The following GOLM2 variants were observed in gnomAD, a reference collection of about 807,000 sequenced individuals.
The protein encoded by GOLM2 is golgi membrane protein 2, also known as protein GOLM2.
In GOLM2, 26 loss-of-function variants were observed where a neutral mutation model predicts 55.9. That is an observed-to-expected ratio of 0.47 (90% CI 0.34 to 0.65). The LOEUF is 0.65. Ranked by LOEUF, GOLM2 falls within the 30% of genes least tolerant of loss-of-function variation. The pLI is 0.01. For missense variants in GOLM2, 486 were observed against 531.8 expected, an observed-to-expected ratio of 0.91 and a Z score of 0.85; for synonymous variants, 165 against 194.6, an observed-to-expected ratio of 0.85 and a Z score of 1.27.
intron 4 of GOLM2, 74 bp downstream of exon 4, chr15:44,332,152 A>G (rs747946349): frequency 2.0e-4 from 163 of 826,120 alleles, no homozygotes; most frequent in Non-Finnish European, 2.6e-4. Context: ...TAAAATTATA[A>G]TTTTGTCACA....
In GOLM2 at chr15:44,395,038, C is replaced by CT. The variant is rs1322083466; in HGVS notation, c.1073-7848dup. ...CTTTTTTTTTTTTTTGAGACGGAGT[C>CT]TCGCTCTGTTGCCCAGGCCAGAGTG... is the stretch of plus-strand genomic sequence containing the variant. On this transcript the variant is annotated intron_variant, in intron 8 of 9. Transcript: ENST00000299957. 3.3e-5 allele frequency among the ~76,000 whole-genome samples: 5 copies of CT among 150,012 alleles called. No homozygotes were observed. In the East Asian group the frequency reaches 9.7e-4, roughly 29 times the overall value.
intron 9 of GOLM2, among the ~76,000 whole-genome samples, chr15:44,413,078 T>A (rs530170809): frequency 6.6e-6 from 1 of 152,182 alleles, no homozygotes; most frequent in South Asian, 2.1e-4. Context: ...GTTTTACTAG[T>A]TATGTCTATC....
rs2079653841 is a variant in GOLM2 at position 44,413,666 on chromosome 15, A to G, written c.*260A>G. 1 of 352,790 alleles carries G rather than the reference A, an allele frequency of 2.8e-6. No homozygotes were observed. Among genetic ancestry groups the G allele is most frequent in the South Asian group, 5.5e-5 (1 of 18,322 alleles). The allele number at this position is 352,790 out of a possible 1,614,324, so 21.9% of individuals were successfully genotyped here. A position where few individuals can be genotyped will look rare whatever the true frequency, so the allele number is the denominator to read the frequency against. On this transcript the variant is annotated 3_prime_UTR_variant, in exon 10 of 10. Coordinates refer to ENST00000299957, the MANE Select transcript of GOLM2 (RefSeq NM_138423.4). ...TAATCTTTGCATCTAAAGCAAACTA[A>G]TGTATATTTCACATTTTATTGAGCC...
chr15:44,364,774 C>T (rs2079272811), intron 6 of GOLM2, among the ~76,000 whole-genome samples: 1 of 151,818 alleles, frequency 6.6e-6, no homozygotes, highest in African/African-American at 2.4e-5. Flanking sequence ...CCAAAGAAGG[C>T]ATAAAAATGG....
At chr15:44,345,890 T>C (rs2079121038) in intron 6 of GOLM2, 1 of 151,298 alleles carries the variant, frequency 6.6e-6, no homozygotes, top group Admixed American at 6.6e-5. Context: ...AGGAAAAGCT[T>C]TTAGGTTTTG....
At chr15:44,394,234 G>T (rs1175599854) in intron 8 of GOLM2, among the ~76,000 whole-genome samples, 1 of 152,140 alleles carries the variant, frequency 6.6e-6, no homozygotes, top group Admixed American at 6.5e-5. Context: ...CCAGCCAAGG[G>T]CCAGTCCTGA....
At chr15:44,318,271 C>T (rs757063205) in intron 1 of GOLM2, among the ~76,000 whole-genome samples, 8 of 152,178 alleles carry the variant, frequency 5.3e-5, no homozygotes, top group Non-Finnish European at 1.2e-4. Flanking sequence ...CCTACAAAAA[C>T]AGGCTCACAG....
At chr15:44,370,437 C>G (rs897466201) in intron 6 of GOLM2, among the ~76,000 whole-genome samples, 8 of 152,034 alleles carry the variant, frequency 5.3e-5, no homozygotes, top group Non-Finnish European at 4.4e-5. Context: ...GTGATGTGCT[C>G]CTATAGTCCC....
chr15:44,383,842 A>G (rs549159713), intron 8 of GOLM2, among the ~76,000 whole-genome samples: 1 of 151,800 alleles, frequency 6.6e-6, no homozygotes, highest in African/African-American at 2.4e-5. Context: ...ACACCTGGCT[A>G]ATTTTTAAAA....
chr15:44,391,525 A>G (rs2079489357), intron 8 of GOLM2, among the ~76,000 whole-genome samples: 1 of 152,046 alleles, frequency 6.6e-6, no homozygotes, highest in Non-Finnish European at 1.5e-5. Flanking sequence ...TCAAAAAAAA[A>G]AAAAGAAATT....
rs1174362995 is a variant in GOLM2, at chr15:44,289,767, A to G, written c.327+411A>G. ...GATCAATATTAATTTCGTTATTTAA[A>G]GAACGAAGCCGCCTCTGACTCCTCT... On this transcript the variant is annotated intron_variant, in intron 1 of 9. Transcript: ENST00000299957. The surrounding 1 kb of genome is among the most constrained non-coding windows in gnomAD (Gnocchi z 4.8). Among the ~76,000 whole-genome samples the G allele has an allele frequency of 6.6e-6, 1 of 152,234 alleles. No individual in the cohort carries two copies. The highest frequency in any genetic ancestry group is 6.5e-5 in the Admixed American group (1 of 15,282).
chr15:44,328,454 A>T (rs2078999270), intron 2 of GOLM2, among the ~76,000 whole-genome samples: 1 of 152,192 alleles, frequency 6.6e-6, no homozygotes, highest in Non-Finnish European at 1.5e-5. Context: ...CTCTAACCTG[A>T]GTGACAGAGC....
chr15:44,298,320 A>G (rs1209355479), intron 1 of GOLM2, among the ~76,000 whole-genome samples: 2 of 142,786 alleles, frequency 1.4e-5, no homozygotes, highest in East Asian at 2.1e-4. Flanking sequence ...TTGGAGTGCA[A>G]TGGCGCGATC....
At chr15:44,383,830 T>C (rs1205080491) in intron 8 of GOLM2, among the ~76,000 whole-genome samples, 1 of 151,912 alleles carries the variant, frequency 6.6e-6, no homozygotes, top group Non-Finnish European at 1.5e-5. Flanking sequence ...GCATGTGCCA[T>C]CACACCTGGC....
intron 8 of GOLM2, among the ~76,000 whole-genome samples, chr15:44,387,922 C>G (rs1567041606): frequency 6.6e-6 from 1 of 151,780 alleles, no homozygotes; most frequent in Non-Finnish European, 1.5e-5. Flanking sequence ...AAGATCATTT[C>G]TTTTATAAAA....
intron 6 of GOLM2, among the ~76,000 whole-genome samples, chr15:44,350,609 C>T (rs1165347132): frequency 6.6e-6 from 1 of 152,166 alleles, no homozygotes; most frequent in Non-Finnish European, 1.5e-5. Context: ...GGAATACTTC[C>T]AAACTCATTC....
At chr15:44,398,657 CTTTTT>C (rs994381104) in intron 8 of GOLM2, among the ~76,000 whole-genome samples, 1 of 108,082 alleles carries the variant, frequency 9.3e-6, no homozygotes, top group Non-Finnish European at 1.9e-5. Flanking sequence ...ATATAGGAGC[CTTTTT>C]TTTTTTTTTT....
intron 8 of GOLM2, among the ~76,000 whole-genome samples, chr15:44,386,807 G>A (rs1023387131): frequency 1.3e-5 from 2 of 152,020 alleles, no homozygotes; most frequent in Non-Finnish European, 2.9e-5. Flanking sequence ...GGAGTTCAAG[G>A]TTATGGTGAG....
chr15:44,346,958 T>C (rs2079129060), intron 6 of GOLM2, among the ~76,000 whole-genome samples: 2 of 151,378 alleles, frequency 1.3e-5, no homozygotes, highest in South Asian at 4.2e-4. Context: ...AGACCTCATA[T>C]CTTAGGAAAA....
Sources: allele counts gnomAD v4.1 joint callset (sites outside exome capture counted in the v4.1 genomes callset), GRCh38; gene constraint gnomAD v4.1.1; non-coding constraint Gnocchi (gnomAD v3.1); transcripts MANE v1.5; gene names NCBI Gene and HGNC (gene_info 2026-07-23, HGNC 2026-07-21).